TRABD2B: variants seen among roughly 807,000 people sequenced by gnomAD.
TRABD2B encodes the protein metalloprotease TIKI2.
In TRABD2B, 14 loss-of-function variants were observed where a neutral mutation model predicts 40.1. The observed-to-expected ratio is 0.35, with a 90% CI of 0.23 to 0.55. TRABD2B has a LOEUF of 0.55. Among genes scored for constraint, TRABD2B ranks in the 20% least tolerant of loss-of-function variants. TRABD2B has a pLI of 0.90. For synonymous variants in TRABD2B, 263 were observed against 277.0 expected, an observed-to-expected ratio of 0.95 and a Z score of 0.50; for missense variants, 541 against 648.6, an observed-to-expected ratio of 0.83 and a Z score of 1.80.
chr1:47,864,257 G>C (rs1197585579), intron 2 of TRABD2B, among the ~76,000 whole-genome samples: 2 of 151,874 alleles, frequency 1.3e-5, no homozygotes, highest in African/African-American at 4.8e-5. Flanking sequence ...TTTGGACTTT[G>C]GGTGATGTGT....
At chr1:47,914,420 C>T (rs1170202462) in intron 2 of TRABD2B, among the ~76,000 whole-genome samples, 2 of 152,200 alleles carry the variant, frequency 1.3e-5, no homozygotes, top group Admixed American at 6.5e-5. Flanking sequence ...CCGCGGTGCC[C>T]GCTGTGGGAA....
intron 2 of TRABD2B, among the ~76,000 whole-genome samples, chr1:47,834,578 C>T (rs1433648713): frequency 3.2e-5 from 2 of 63,296 alleles, no homozygotes; most frequent in African/African-American, 5.2e-5. Context: ...CACACACACG[C>T]GCACACACAC....
At chr1:47,879,125 T>C (rs1483732682) in intron 2 of TRABD2B, among the ~76,000 whole-genome samples, 1 of 151,402 alleles carries the variant, frequency 6.6e-6, no homozygotes, top group African/African-American at 2.4e-5. Flanking sequence ...AAAAAGTTTA[T>C]GCATAGACCA....
intron 2 of TRABD2B, among the ~76,000 whole-genome samples, chr1:47,842,155 G>C (rs1005717536): frequency 1.3e-5 from 2 of 152,196 alleles, no homozygotes; most frequent in Admixed American, 1.3e-4. Flanking sequence ...GAAAGTGCCG[G>C]GCACAATGTA....
chr1:47,843,575 T>A (rs934465791), intron 2 of TRABD2B, among the ~76,000 whole-genome samples: 1 of 151,808 alleles, frequency 6.6e-6, no homozygotes, highest in Non-Finnish European at 1.5e-5. Flanking sequence ...CAGGATGGAG[T>A]TATACATTTG....
intron 2 of TRABD2B, among the ~76,000 whole-genome samples, chr1:47,828,224 C>T (rs1268593947): frequency 6.6e-6 from 1 of 152,170 alleles, no homozygotes; most frequent in Non-Finnish European, 1.5e-5. Context: ...CTCTGTGGTC[C>T]CACCCCCATG....
At chr1:47,838,119 G>A (rs1645344057) in intron 2 of TRABD2B, among the ~76,000 whole-genome samples, 1 of 152,234 alleles carries the variant, frequency 6.6e-6, no homozygotes, top group African/African-American at 2.4e-5. Context: ...GTGTGAGACA[G>A]TCTGTTTGCA....
chr1:47,765,821 G>GGAGGTGGT lies in TRABD2B; in HGVS notation c.*73_*80dup, dbSNP rs1473234827. On this transcript the variant is annotated 3_prime_UTR_variant, in exon 7 of 7. Coordinates refer to ENST00000606738, the MANE Select transcript of TRABD2B (RefSeq NM_001194986.2). ...GCCCTCGACGTGTTGGGCACCCCCTGGAGGTGGTGGCAGGAGCAGTTGGGT... is the reference window on the plus strand; with the variant it reads ...GCCCTCGACGTGTTGGGCACCCCCTGGAGGTGGTGAGGTGGTGGCAGGAGCAGTTGGGT... 12 of 702,588 alleles carry GGAGGTGGT rather than the reference G, an allele frequency of 1.7e-5. No individual in the cohort carries two copies. The highest frequency in any genetic ancestry group is 3.1e-5 in the Non-Finnish European group (12 of 384,916). 43.5% of individuals were successfully genotyped at this position (702,588 alleles called of 1,614,324 possible).
intron 2 of TRABD2B, among the ~76,000 whole-genome samples, chr1:47,965,240 G>GGGGGT (rs1645585269): frequency 8.8e-6 from 1 of 113,540 alleles, no homozygotes. Flanking sequence ...GGTGGATGGG[G>GGGGGT]AGGTGGGGGG....
At chr1:47,774,377 G>T (rs558986013) in intron 6 of TRABD2B, among the ~76,000 whole-genome samples, 1 of 152,246 alleles carries the variant, frequency 6.6e-6, no homozygotes, top group South Asian at 2.1e-4. Flanking sequence ...CCCCATCACT[G>T]ACAGTCCCTC....
chr1:47,830,018 C>G (rs549246275), intron 2 of TRABD2B, among the ~76,000 whole-genome samples: 3 of 152,062 alleles, frequency 2.0e-5, no homozygotes, highest in Non-Finnish European at 4.4e-5. Context: ...TCCATGACCC[C>G]CTCTGCCTAA....
In TRABD2B at chr1:47,901,688, C is replaced by A. The variant is rs1204170999; in HGVS notation, c.666+92346G>T. On this transcript the variant is annotated intron_variant, in intron 2 of 6. Coordinates refer to ENST00000606738, the MANE Select transcript of TRABD2B (RefSeq NM_001194986.2). ...TAACACTGATATAGATTGATTACAGCCATGGGGGCAGACTTCTGGAGAAGA... is the reference window on the plus strand; with the variant it reads ...TAACACTGATATAGATTGATTACAGACATGGGGGCAGACTTCTGGAGAAGA... Among the ~76,000 whole-genome samples, 4 of 152,162 alleles carry A rather than the reference C, an allele frequency of 2.6e-5. No homozygotes were observed. The East Asian group carries it at 7.7e-4, about 29-fold the overall frequency.
chr1:47,917,124 G>A (rs1014149018), intron 2 of TRABD2B, among the ~76,000 whole-genome samples: 4 of 152,208 alleles, frequency 2.6e-5, no homozygotes, highest in African/African-American at 7.2e-5. Flanking sequence ...AGTCCAGCAC[G>A]CAAGGACGGG....
intron 6 of TRABD2B, among the ~76,000 whole-genome samples, chr1:47,768,666 G>C (rs1477495700): frequency 6.6e-6 from 1 of 152,134 alleles, no homozygotes; most frequent in African/African-American, 2.4e-5. Context: ...TACGTAGTTT[G>C]CATGGGTTTC....
intron 2 of TRABD2B, among the ~76,000 whole-genome samples, chr1:47,830,161 C>G (rs1017476814): frequency 2.0e-5 from 3 of 152,242 alleles, no homozygotes; most frequent in Non-Finnish European, 4.4e-5. Flanking sequence ...CAGGATGTCC[C>G]CCTCCCAGAT....
Position 47,765,663 on chromosome 1 carries a change from C to G in TRABD2B, c.*239G>C, listed in dbSNP as rs537965672. Reference sequence around the variant, plus strand: ...TTATCGGTAGAATAAATACATTTTTCTTTTTTAATATGGACACGTATTTTA... The same window carrying G: ...TTATCGGTAGAATAAATACATTTTTGTTTTTTAATATGGACACGTATTTTA... On this transcript the variant is annotated 3_prime_UTR_variant, in exon 7 of 7. Transcript: ENST00000606738. 6.8e-6 allele frequency: 4 copies of G among 588,792 alleles called. No homozygotes were observed. The East Asian group carries it at 1.1e-4, about 17-fold the overall frequency. 36.5% of individuals were successfully genotyped at this position (588,792 alleles called of 1,614,324 possible).
At chr1:47,977,262 T>G (rs954047093) in intron 2 of TRABD2B, among the ~76,000 whole-genome samples, 2 of 152,098 alleles carry the variant, frequency 1.3e-5, no homozygotes, top group Admixed American at 6.6e-5. Context: ...CTGTAGTAGA[T>G]GGAGTTTCAC....
intron 2 of TRABD2B, among the ~76,000 whole-genome samples, chr1:47,943,779 C>T (rs1428553598): frequency 6.6e-6 from 1 of 151,820 alleles, no homozygotes; most frequent in Non-Finnish European, 1.5e-5. Context: ...CACACACACA[C>T]ACACACACAC....
Position 47,994,727 on chromosome 1 carries a change from G to C in TRABD2B, c.103-130C>G. 1.2e-6 allele frequency: 1 copy of C among 812,700 alleles called. No individual in the cohort carries two copies. Among genetic ancestry groups the C allele is most frequent in the South Asian group, 1.8e-5 (1 of 54,566 alleles). The allele number at this position is 812,700 out of a possible 1,614,324, so 50.3% of individuals were successfully genotyped here. A position where few individuals can be genotyped will look rare whatever the true frequency, so the allele number is the denominator to read the frequency against. ...GACCATACACAGGCCGTGGTAAAGAGCCAGGTCTTTGGAGCCTGAAAGACC... is the reference window on the plus strand; with the variant it reads ...GACCATACACAGGCCGTGGTAAAGACCCAGGTCTTTGGAGCCTGAAAGACC... On this transcript the variant is annotated intron_variant, in intron 1 of 6. Transcript: ENST00000606738. This position sits in a 1 kb window ranked among gnomAD's most constrained non-coding sequence, Gnocchi z 6.7.
Sources: allele counts gnomAD v4.1 joint callset (sites outside exome capture counted in the v4.1 genomes callset), GRCh38; gene constraint gnomAD v4.1.1; non-coding constraint Gnocchi (gnomAD v3.1); transcripts MANE v1.5; gene names NCBI Gene and HGNC (gene_info 2026-07-23, HGNC 2026-07-21).